The following RPTOR variants were observed in gnomAD, a reference collection of about 807,000 sequenced individuals.
RPTOR encodes regulatory associated protein of MTOR complex 1, also known as regulatory-associated protein of mTOR.
A neutral mutation model predicts 169.9 loss-of-function variants in RPTOR; 21 were observed. The observed-to-expected ratio is 0.12, with a 90% CI of 0.09 to 0.18. The LOEUF (loss-of-function observed/expected upper bound fraction) is 0.18. Ranked by LOEUF, RPTOR falls within the 10% of genes least tolerant of loss-of-function variation. RPTOR has a pLI of 1.00. For missense variants in RPTOR, 1,133 were observed against 1,855.9 expected (o/e 0.61, Z 7.16); for synonymous variants, 732 against 753.2 (o/e 0.97, Z 0.46).
intron 13 of RPTOR, among the ~76,000 whole-genome samples, chr17:80,877,503 A>G (rs34411287): frequency 0.22 from 34,118 of 152,180 alleles, 4,090 homozygotes; most frequent in East Asian, 0.39. Context: ...CCTGATTTGC[A>G]TGCCTCAAAT....
chr17:80,747,717 A>T (rs574761970), intron 5 of RPTOR, among the ~76,000 whole-genome samples: 2 of 152,166 alleles, frequency 1.3e-5, no homozygotes, highest in Non-Finnish European at 2.9e-5. Flanking sequence ...TTGTCTCTCC[A>T]CCGGACAAGA....
chr17:80,743,098 C>A (rs904798529), intron 5 of RPTOR, among the ~76,000 whole-genome samples: 3 of 152,188 alleles, frequency 2.0e-5, no homozygotes, highest in South Asian at 2.1e-4. Flanking sequence ...CTGGGAATAA[C>A]ACCCACTTTA....
In RPTOR at chr17:80,822,119, G is replaced by A. The variant is rs374540372; in HGVS notation, c.891-82G>A. On this transcript the variant is annotated intron_variant, in intron 7 of 33. Coordinates refer to ENST00000306801, the MANE Select transcript of RPTOR (RefSeq NM_020761.3). ...TCGCTCAGAGCCTTTCGCCGCCCGCGCCCTTTTTTCTTGCAACCTCTCTTC... is the reference window on the plus strand; with the variant it reads ...TCGCTCAGAGCCTTTCGCCGCCCGCACCCTTTTTTCTTGCAACCTCTCTTC... 54 of 1,307,816 alleles carry A rather than the reference G, an allele frequency of 4.1e-5. No homozygotes were observed. The East Asian group carries it at 4.4e-4, about 11-fold the overall frequency. The allele number at this position is 1,307,816 out of a possible 1,614,324, so 81.0% of individuals were successfully genotyped here. A position where few individuals can be genotyped will look rare whatever the true frequency, so the allele number is the denominator to read the frequency against.
intron 7 of RPTOR, among the ~76,000 whole-genome samples, chr17:80,819,809 T>A (rs964283253): frequency 2.0e-5 from 3 of 152,226 alleles, no homozygotes; most frequent in Admixed American, 2.0e-4. Flanking sequence ...GCAGTATCAG[T>A]CACTCAATCG....
At position 80,842,679 on chromosome 17, in the gene RPTOR, T is replaced by G. The variant is rs143572281; in HGVS notation, c.1213-3794T>G. Among the ~76,000 whole-genome samples, 9 of 152,376 alleles carry G rather than the reference T, an allele frequency of 5.9e-5. No individual in the cohort carries two copies. In the East Asian group the frequency reaches 1.7e-3, roughly 29 times the overall value. ...ATTGTTCTATACTTGTACTGGCCAT[T>G]TATGGTTCCGGCTTTTGGTATCCTG... is the stretch of plus-strand genomic sequence containing the variant. On this transcript the variant is annotated intron_variant, in intron 10 of 33. Transcript: ENST00000306801.
intron 6 of RPTOR, among the ~76,000 whole-genome samples, chr17:80,789,983 A>G (rs530564379): frequency 1.1e-4 from 16 of 152,320 alleles, no homozygotes; most frequent in African/African-American, 3.6e-4. Context: ...TTCGCATAGG[A>G]CTCAGATTTG....
chr17:80,806,007 G>A lies in RPTOR; in HGVS notation c.890+14498G>A, dbSNP rs559224480. The stretch of plus-strand genomic sequence containing the variant: ...CTGTACTAGGGGAACCATTAAATAC[G>A]GAAGGACAGGATCCAAAGAGATGGC... On this transcript the variant is annotated intron_variant, in intron 7 of 33. Transcript: ENST00000306801. Among the ~76,000 whole-genome samples the A allele has an allele frequency of 6.6e-5, 10 of 152,282 alleles. 1 individual carries two copies. In the South Asian group the frequency reaches 1.0e-3, roughly 16 times the overall value.
At chr17:80,931,568 A>G (rs2068897795) in intron 24 of RPTOR, among the ~76,000 whole-genome samples, 1 of 152,176 alleles carries the variant, frequency 6.6e-6, no homozygotes, top group Admixed American at 6.5e-5. Context: ...GCTGCTCCCC[A>G]CAGAACATAA....
At chr17:80,949,311 G>T (rs1291250503) in intron 27 of RPTOR, 132 bp from the exon 28 acceptor site, 3 of 763,948 alleles carry the variant, frequency 3.9e-6, no homozygotes, top group Non-Finnish European at 6.9e-6. Context: ...TGGAACCACG[G>T]GTAGTGAGTC....
rs75408511 is a variant in RPTOR, at chr17:80,596,088, G to A, written c.163-29603G>A. Among the ~76,000 whole-genome samples the A allele has an allele frequency of 6.7e-3, 1,025 of 152,282 alleles. 20 individuals carry two copies. Among genetic ancestry groups the A allele is most frequent in the African/African-American group, 0.024 (984 of 41,550 alleles). ...GTGGATATGTTGTGAAGAAATGCACGTTGGAAAACATGGTCCTCCAGAAGC... is the reference window on the plus strand; with the variant it reads ...GTGGATATGTTGTGAAGAAATGCACATTGGAAAACATGGTCCTCCAGAAGC... On this transcript the variant is annotated intron_variant, in intron 1 of 33. Transcript: ENST00000306801.
chr17:80,727,306 T>C (rs2066346643), intron 4 of RPTOR, among the ~76,000 whole-genome samples: 2 of 142,076 alleles, frequency 1.4e-5, no homozygotes, highest in Admixed American at 7.0e-5. Context: ...GACCGCATCA[T>C]GCTCCGAGAA....
chr17:80,629,157 C>T (rs2065419764), intron 2 of RPTOR, among the ~76,000 whole-genome samples: 3 of 151,122 alleles, frequency 2.0e-5, no homozygotes, highest in Admixed American at 2.0e-4. Context: ...CGCAGCTCTT[C>T]CGTGTGTCTC....
rs2067721053 is a variant in RPTOR at position 80,845,668 on chromosome 17, C to G, written c.1213-805C>G. 6.6e-6 allele frequency among the ~76,000 whole-genome samples: 1 copy of G among 152,108 alleles called. No individual in the cohort carries two copies. The highest frequency in any genetic ancestry group is 2.4e-5 in the African/African-American group (1 of 41,418). ...GGTCTTTCTCACCAGCGTCCTGTCC[C>G]CATTACTCCACATCTACAAAAAGCA... On this transcript the variant is annotated intron_variant, in intron 10 of 33. Coordinates refer to ENST00000306801, the MANE Select transcript of RPTOR (RefSeq NM_020761.3). The surrounding 1 kb of genome is among the most constrained non-coding windows in gnomAD (Gnocchi z 5.4).
At chr17:80,743,889 A>AGAGCC (rs2066522116) in intron 5 of RPTOR, among the ~76,000 whole-genome samples, 4 of 102,012 alleles carry the variant, frequency 3.9e-5, no homozygotes, top group Non-Finnish European at 6.3e-5. Flanking sequence ...GGCTACTAGC[A>AGAGCC]CTGTCCTGGT....
Position 80,860,697 on chromosome 17 carries a change from T to C in RPTOR, c.1509+2797T>C, listed in dbSNP as rs74004024. On this transcript the variant is annotated intron_variant, in intron 13 of 33. Coordinates refer to ENST00000306801, the MANE Select transcript of RPTOR (RefSeq NM_020761.3). This position sits in a 1 kb window ranked among gnomAD's most constrained non-coding sequence, Gnocchi z 5.8. ...GTTCCGCTGATTCTTGTAGATTCCC[T>C]GGGATTTTCTGCTAGTTCACTGGTT... Among the ~76,000 whole-genome samples the C allele has an allele frequency of 2.3e-3, 349 of 152,156 alleles. 1 individual carries two copies. The highest frequency in any genetic ancestry group is 7.2e-3 in the African/African-American group (298 of 41,508).
At chr17:80,654,564 T>G (rs2065665755) in intron 3 of RPTOR, among the ~76,000 whole-genome samples, 1 of 152,162 alleles carries the variant, frequency 6.6e-6, no homozygotes, top group South Asian at 2.1e-4. Context: ...TTAAAGCGCA[T>G]AGCAGAACCG....
chr17:80,911,425 C>T (rs1043145761), intron 21 of RPTOR, among the ~76,000 whole-genome samples: 2 of 152,088 alleles, frequency 1.3e-5, no homozygotes, highest in Admixed American at 6.5e-5. Context: ...TTTCATTATG[C>T]GGTAAGAAAA....
intron 6 of RPTOR, among the ~76,000 whole-genome samples, chr17:80,772,244 G>T (rs1305086628): frequency 6.6e-6 from 1 of 152,112 alleles, no homozygotes; most frequent in Non-Finnish European, 1.5e-5. Context: ...AAAAATAAAT[G>T]TACATCTTTG....
chr17:80,793,498 G>T (rs2067070509), intron 7 of RPTOR, among the ~76,000 whole-genome samples: 1 of 152,104 alleles, frequency 6.6e-6, no homozygotes, highest in Non-Finnish European at 1.5e-5. Flanking sequence ...GGAGGTGGGA[G>T]GGCCGCAGTA....
Sources: allele counts gnomAD v4.1 joint callset (sites outside exome capture counted in the v4.1 genomes callset), GRCh38; gene constraint gnomAD v4.1.1; non-coding constraint Gnocchi (gnomAD v3.1); transcripts MANE v1.5; gene names NCBI Gene and HGNC (gene_info 2026-07-23, HGNC 2026-07-21).